Variants in UBAP2 observed in about 807,000 individuals in gnomAD.
The protein encoded by UBAP2 is ubiquitin-associated protein 2.
A neutral mutation model predicts 139.6 loss-of-function variants in UBAP2; 75 were observed. The observed-to-expected ratio is 0.54, with a 90% CI of 0.45 to 0.65. UBAP2 has a LOEUF of 0.65. UBAP2 is among the 30% of genes least tolerant of loss of function. UBAP2 has a pLI of 0.00. For synonymous variants in UBAP2, 526 were observed against 526.2 expected (o/e 1.00, Z 0.01); for missense variants, 1,368 against 1,369.6 (o/e 1.00, Z 0.02).
At chr9:33,935,162 G>GC (rs1219883507) in intron 17 of UBAP2, among the ~76,000 whole-genome samples, 1 of 61,760 alleles carries the variant, frequency 1.6e-5, no homozygotes, top group Non-Finnish European at 4.4e-5. Flanking sequence ...GTTGGAAGTG[G>GC]CGGGGGGGGG....
In UBAP2 at chr9:33,922,820, A is replaced by G. The variant is rs2130843405; in HGVS notation, c.3131T>C (p.Val1044Ala). 1.9e-6 allele frequency: 3 copies of G among 1,573,900 alleles called. No homozygotes were observed. The highest frequency in any genetic ancestry group is 2.6e-6 in the Non-Finnish European group (3 of 1,158,416). ...GGCCAGGGGCCCAGTGGAGCCCAAG[A>G]CCGAGGGCAGGCTGAAAGGTGGAGG... ...GTPPPFSLPS[V>A]LGSTGPLASG... The change falls in exon 28 of 29, where the codon GTC (valine) becomes GCC (alanine). Residue 1044 changes from valine to alanine, a missense_variant. Physicochemically the swap from Val to Ala is moderately conservative, Grantham distance 64 (BLOSUM62 0). Transcript: ENST00000379238.
At chr9:34,012,413 C>G (rs1489694239) in intron 2 of UBAP2, among the ~76,000 whole-genome samples, 1 of 152,036 alleles carries the variant, frequency 6.6e-6, no homozygotes, top group African/African-American at 2.4e-5. Flanking sequence ...TGCCTATAAT[C>G]CCAGCTACTC....
At chr9:33,950,505 G>A (rs995755132) in intron 12 of UBAP2, among the ~76,000 whole-genome samples, 4 of 152,244 alleles carry the variant, frequency 2.6e-5, no homozygotes, top group South Asian at 2.1e-4. Flanking sequence ...TCCTAACTTC[G>A]CTTTGAGTAA....
intron 19 of UBAP2, among the ~76,000 whole-genome samples, chr9:33,931,142 C>T (rs1823945764): frequency 6.6e-6 from 1 of 152,150 alleles, no homozygotes; most frequent in African/African-American, 2.4e-5. Context: ...AGGCAGATTT[C>T]TTTTTCAACC....
At chr9:34,030,270 C>G (rs1002871433) in intron 1 of UBAP2, among the ~76,000 whole-genome samples, 1 of 151,864 alleles carries the variant, frequency 6.6e-6, no homozygotes, top group Non-Finnish European at 1.5e-5. Context: ...ACGGTGATAC[C>G]CCATCTCTAC....
chr9:34,035,514 A>AAAAAAATATATATATAT, intron 1 of UBAP2, among the ~76,000 whole-genome samples: 1 of 22,490 alleles, frequency 4.4e-5, no homozygotes, highest in African/African-American at 1.3e-4. Flanking sequence ...AAAAAAAAAA[A>AAAAAAATATATATATAT]ATATATATAT....
At chr9:34,015,625 C>T (rs929064587) in intron 2 of UBAP2, among the ~76,000 whole-genome samples, 1 of 152,084 alleles carries the variant, frequency 6.6e-6, no homozygotes, top group Non-Finnish European at 1.5e-5. Context: ...CTGCGCCCGG[C>T]CTCAAGTGGA....
At position 33,925,862 on chromosome 9, in the gene UBAP2, T is replaced by A. The variant is rs1823383087; in HGVS notation, c.2511+755A>T. Among the ~76,000 whole-genome samples the A allele has an allele frequency of 1.3e-5, 2 of 152,166 alleles. 1 individual carries two copies. The highest frequency in any genetic ancestry group is 4.1e-4 in the South Asian group (2 of 4,826). ...AGGTGGTGTCCAAACTGCCTGCAACTCTCTGACAAGTGCCCTGGGAAATGG... is the reference window on the plus strand; with the variant it reads ...AGGTGGTGTCCAAACTGCCTGCAACACTCTGACAAGTGCCCTGGGAAATGG... On this transcript the variant is annotated intron_variant, in intron 22 of 28. Transcript: ENST00000379238.
chr9:34,000,768 G>A (rs1329956213), intron 2 of UBAP2, among the ~76,000 whole-genome samples: 1 of 152,132 alleles, frequency 6.6e-6, no homozygotes, highest in African/African-American at 2.4e-5. Context: ...GCATTTTAAA[G>A]CACTTTTCAA....
intron 6 of UBAP2, among the ~76,000 whole-genome samples, chr9:33,976,147 G>T (rs1828326964): frequency 6.6e-6 from 1 of 152,104 alleles, no homozygotes; most frequent in Non-Finnish European, 1.5e-5. Context: ...AAGAAATTCA[G>T]CTAATTAGCT....
At position 33,923,939 on chromosome 9, in the gene UBAP2, A is replaced by G; in HGVS notation, c.2652T>C (p.Ala884=). 1.2e-6 allele frequency: 2 copies of G among 1,614,146 alleles called. No homozygotes were observed. The highest frequency in any genetic ancestry group is 1.7e-6 in the Non-Finnish European group (2 of 1,180,028). The part of the protein sequence containing the change: ...SASPAPATTP[A]QPQQSQSQTH... ...TCTGTGATTGGCTCTGCTGTGGCTGAGCTGGTGTGGTAGCGGGTGCAGGGG... is the reference window on the plus strand; with the variant it reads ...TCTGTGATTGGCTCTGCTGTGGCTGGGCTGGTGTGGTAGCGGGTGCAGGGG... Residue 884 remains alanine, a synonymous_variant, in exon 24 of 29, where the codon GCT becomes GCC. Coordinates refer to ENST00000379238, the MANE Select transcript of UBAP2 (RefSeq NM_001370062.2).
chr9:33,998,645 G>T, intron 3 of UBAP2, 142 bp downstream of exon 3: 2 of 639,554 alleles, frequency 3.1e-6, no homozygotes, highest in Non-Finnish European at 2.6e-6. Flanking sequence ...TTAATCACAA[G>T]TCCAAAATCC....
intron 1 of UBAP2, among the ~76,000 whole-genome samples, chr9:34,035,325 GA>G (rs1826240547): frequency 6.6e-6 from 1 of 150,590 alleles, no homozygotes; most frequent in Non-Finnish European, 1.5e-5. Flanking sequence ...CAACATGGTG[GA>G]ACCCCATCTC....
rs747107128 is a variant in UBAP2 at position 33,941,739 on chromosome 9, C to G, written c.1839G>C (p.Met613Ile). 2.5e-6 allele frequency: 4 copies of G among 1,613,984 alleles called. No homozygotes were observed. The Admixed American group carries it at 6.7e-5, about 27-fold the overall frequency. Residue 613 changes from methionine (M) to isoleucine (I), a missense_variant, in exon 16 of 29, where the codon ATG becomes ATC. Met to Ile is a conservative substitution (Grantham distance 10). Coordinates refer to ENST00000379238, the MANE Select transcript of UBAP2 (RefSeq NM_001370062.2). ...SSLNSASPVA[M>I]SSSYDQSSVH... ...CAGAACTCTGGTCATAAGAGGAAGA[C>G]ATTGCTACTGGACTAGCAGAATTCA...
chr9:34,019,148 C>A (rs1333051010), intron 1 of UBAP2, among the ~76,000 whole-genome samples: 2 of 152,054 alleles, frequency 1.3e-5, no homozygotes, highest in African/African-American at 4.8e-5. Context: ...CACCTGTAAT[C>A]CCAGTACTTT....
chr9:33,979,559 G>C (rs748566046), intron 6 of UBAP2, among the ~76,000 whole-genome samples: 1 of 151,744 alleles, frequency 6.6e-6, no homozygotes, highest in Non-Finnish European at 1.5e-5. Context: ...AGGGCAACAA[G>C]AGAGAAATTC....
intron 11 of UBAP2, among the ~76,000 whole-genome samples, chr9:33,954,109 G>A (rs1826334234): frequency 6.6e-6 from 1 of 151,984 alleles, no homozygotes; most frequent in Non-Finnish European, 1.5e-5. Flanking sequence ...GTTTCACCAT[G>A]TTGGACAGGC....
In UBAP2 at chr9:34,047,823, T is replaced by C. The variant is rs772549377; in HGVS notation, c.-42+1002A>G. On this transcript the variant is annotated intron_variant, in intron 1 of 28. Coordinates refer to ENST00000379238, the MANE Select transcript of UBAP2 (RefSeq NM_001370062.2). ...ATGGAGACCATATCTCTAAAATTAA[T>C]AGTAATTTTTTAAAATCTCTCAACT... is the stretch of plus-strand genomic sequence containing the variant. Among the ~76,000 whole-genome samples, 10 of 152,306 alleles carry C rather than the reference T, an allele frequency of 6.6e-5. No individual in the cohort carries two copies. In the South Asian group the frequency reaches 1.2e-3, roughly 19 times the overall value.
At chr9:34,016,318 AAGG>A (rs1165051732) in intron 2 of UBAP2, among the ~76,000 whole-genome samples, 2 of 53,588 alleles carry the variant, frequency 3.7e-5, no homozygotes, top group East Asian at 1.4e-3. Flanking sequence ...GGAGGAAGAG[AAGG>A]AGGAAGAGGA....
Sources: gnomAD v4.1 joint callset for allele counts (sites outside exome capture counted in the v4.1 genomes callset) on GRCh38, gnomAD v4.1.1 for gene constraint, MANE v1.5 for transcripts, NCBI Gene and HGNC (gene_info 2026-07-23, HGNC 2026-07-21) for gene names.